Variants in MFHAS1 observed in about 807,000 individuals in gnomAD.
MFHAS1 encodes the protein malignant fibrous histiocytoma-amplified sequence 1.
A neutral mutation model predicts 70.4 loss-of-function variants in MFHAS1; 50 were observed. That is an observed-to-expected ratio of 0.71 (90% CI 0.57 to 0.90). The LOEUF (loss-of-function observed/expected upper bound fraction) is 0.90, where lower values mean the gene tolerates loss of function less well. Ranked by LOEUF, MFHAS1 falls within the 40% of genes least tolerant of loss-of-function variation. The pLI is 0.00. For missense variants in MFHAS1, 1,795 were observed against 1,347.6 expected (o/e 1.33, Z -5.20); for synonymous variants, 952 against 620.0 (o/e 1.54, Z -7.96).
intron 1 of MFHAS1, among the ~76,000 whole-genome samples, chr8:8,832,661 C>G (rs542581694): frequency 3.6e-5 from 5 of 137,526 alleles, no homozygotes; most frequent in Non-Finnish European, 6.2e-5. Context: ...CAGAGTCTCT[C>G]TCTGTTGCCC....
In MFHAS1 at chr8:8,890,620, G is replaced by T. The variant is rs1585076907; in HGVS notation, c.2439C>A (p.Ala813=). ...CCAGCAACAGCTGCAAGTCCTGCTG[G>T]GCCTGGACATGAGGCTTAAGCAGCA... ...IRLLLKPHVQ[A]QQDLQLLLEL... Residue 813 remains alanine (A), a synonymous_variant, in exon 1 of 3, where the codon GCC becomes GCA. Coordinates refer to ENST00000276282, the MANE Select transcript of MFHAS1 (RefSeq NM_004225.3). 1 of 1,613,904 alleles carries T rather than the reference G, an allele frequency of 6.2e-7. No homozygotes were observed. The highest frequency in any genetic ancestry group is 8.5e-7 in the Non-Finnish European group (1 of 1,179,988).
At chr8:8,799,631 C>T (rs905108151) in intron 1 of MFHAS1, among the ~76,000 whole-genome samples, 2 of 152,128 alleles carry the variant, frequency 1.3e-5, no homozygotes, top group African/African-American at 4.8e-5. Context: ...TGGCGGGCAC[C>T]TGTAATCTCA....
At position 8,786,021 on chromosome 8, in the gene MFHAS1, G is replaced by A. The variant is rs542191589; in HGVS notation, c.*1C>T. 16 of 1,614,074 alleles carry A rather than the reference G, an allele frequency of 9.9e-6. No individual in the cohort carries two copies. The highest frequency in any genetic ancestry group is 8.8e-5 in the South Asian group (8 of 91,076). ...CCATGGAAATTCCACAGCCACAAAC[G>A]TCACTGGTTTCTGTGCTTTTCACCA... On this transcript the variant is annotated 3_prime_UTR_variant, in exon 3 of 3. Transcript: ENST00000276282.
intron 1 of MFHAS1, among the ~76,000 whole-genome samples, chr8:8,829,575 G>A (rs1807291332): frequency 6.6e-6 from 1 of 152,204 alleles, no homozygotes; most frequent in South Asian, 2.1e-4. Flanking sequence ...CAGCTACTGA[G>A]GAGGCTGAGG....
At chr8:8,814,376 G>A (rs1290949572) in intron 1 of MFHAS1, among the ~76,000 whole-genome samples, 1 of 152,214 alleles carries the variant, frequency 6.6e-6, no homozygotes, top group African/African-American at 2.4e-5. Context: ...AAGAGCAATA[G>A]GCTAGACCCT....
chr8:8,886,542 G>C (rs1038335524), intron 1 of MFHAS1, among the ~76,000 whole-genome samples: 2 of 152,092 alleles, frequency 1.3e-5, no homozygotes, highest in South Asian at 2.1e-4. Context: ...AACTACAGTA[G>C]GGCAGCTCAG....
intron 1 of MFHAS1, among the ~76,000 whole-genome samples, chr8:8,836,728 C>T (rs1015116438): frequency 4.6e-5 from 7 of 152,160 alleles, no homozygotes; most frequent in African/African-American, 1.7e-4. Flanking sequence ...CATCTCTATC[C>T]ATGAACTCAA....
At chr8:8,794,444 G>A (rs570271566) in intron 2 of MFHAS1, among the ~76,000 whole-genome samples, 5 of 152,236 alleles carry the variant, frequency 3.3e-5, no homozygotes, top group Admixed American at 6.5e-5. Flanking sequence ...AGCCTGGCCC[G>A]GCCTCCACAT....
intron 1 of MFHAS1, among the ~76,000 whole-genome samples, chr8:8,878,719 AAGGG>A (rs1401392953): frequency 3.3e-5 from 5 of 152,042 alleles, no homozygotes; most frequent in Admixed American, 6.6e-5. Flanking sequence ...AGTGAGGAGG[AAGGG>A]AGGGAGGCTT....
At chr8:8,845,448 G>C (rs928954860) in intron 1 of MFHAS1, among the ~76,000 whole-genome samples, 2 of 152,188 alleles carry the variant, frequency 1.3e-5, no homozygotes, top group Non-Finnish European at 2.9e-5. Flanking sequence ...TCTAGCGGCA[G>C]ACCCAGGAGC....
chr8:8,882,923 A>T (rs1436979998), intron 1 of MFHAS1, among the ~76,000 whole-genome samples: 2 of 151,866 alleles, frequency 1.3e-5, no homozygotes, highest in Non-Finnish European at 1.5e-5. Context: ...GAGGCCGAGG[A>T]GGGAGGATCA....
At chr8:8,887,872 A>C (rs370324311) in intron 1 of MFHAS1, among the ~76,000 whole-genome samples, 1 of 150,896 alleles carries the variant, frequency 6.6e-6, no homozygotes, top group African/African-American at 2.4e-5. Flanking sequence ...AAAAAAAAAA[A>C]AAAAAACCTC....
intron 1 of MFHAS1, among the ~76,000 whole-genome samples, chr8:8,858,228 A>C (rs1808519105): frequency 6.6e-6 from 1 of 152,214 alleles, no homozygotes; most frequent in Non-Finnish European, 1.5e-5. Context: ...CTACATGCCA[A>C]GCATTGTCTT....
intron 1 of MFHAS1, among the ~76,000 whole-genome samples, chr8:8,808,385 C>T (rs543376433): frequency 2.0e-5 from 3 of 152,258 alleles, no homozygotes; most frequent in Non-Finnish European, 2.9e-5. Flanking sequence ...TAGGCACTTT[C>T]TCGGTTATCA....
intron 2 of MFHAS1, among the ~76,000 whole-genome samples, chr8:8,790,918 C>T (rs951076180): frequency 1.3e-5 from 2 of 152,148 alleles, no homozygotes; most frequent in African/African-American, 2.4e-5. Context: ...CACGGTACTT[C>T]TGAGAATACT....
intron 2 of MFHAS1, among the ~76,000 whole-genome samples, chr8:8,796,650 C>G (rs1412262449): frequency 1.6e-5 from 2 of 123,180 alleles, no homozygotes. Context: ...CGCCACTGCA[C>G]TCCAGCCTGG....
At chr8:8,820,903 C>T (rs1425930701) in intron 1 of MFHAS1, among the ~76,000 whole-genome samples, 2 of 152,216 alleles carry the variant, frequency 1.3e-5, no homozygotes, top group African/African-American at 4.8e-5. Flanking sequence ...AAACCCACAT[C>T]ACACATTTAA....
intron 1 of MFHAS1, among the ~76,000 whole-genome samples, chr8:8,805,576 G>A (rs558848465): frequency 4.2e-4 from 64 of 152,296 alleles, no homozygotes; most frequent in Non-Finnish European, 1.2e-4. Context: ...TTGTCTCAGG[G>A]GTGGCAGAAG....
chr8:8,819,609 A>C (rs1412511330), intron 1 of MFHAS1, among the ~76,000 whole-genome samples: 1 of 71,720 alleles, frequency 1.4e-5, no homozygotes, highest in Admixed American at 1.2e-4. Context: ...AACTCAAAAC[A>C]AAAAAAAAAA....
Sources: gnomAD v4.1 joint callset for allele counts (sites outside exome capture counted in the v4.1 genomes callset) on GRCh38, gnomAD v4.1.1 for gene constraint, MANE v1.5 for transcripts, NCBI Gene and HGNC (gene_info 2026-07-23, HGNC 2026-07-21) for gene names.